GUCA1C: variants seen among roughly 807,000 people sequenced by gnomAD.
The protein encoded by GUCA1C is guanylyl cyclase-activating protein 3.
A neutral mutation model predicts 16.2 loss-of-function variants in GUCA1C; 15 were observed. The ratio of observed to expected loss-of-function variants is 0.93; its 90% CI spans 0.62 to 1.43. GUCA1C has a LOEUF of 1.43. Ranked by LOEUF, GUCA1C falls within the 40% of genes most tolerant of loss-of-function variation. The probability of loss-of-function intolerance (pLI) is 0.00; values close to 1 mark genes in which losing one functional copy is unlikely to be tolerated. For missense variants in GUCA1C, 275 were observed against 244.8 expected (o/e 1.12, Z -0.82); for synonymous variants, 78 against 85.4 (o/e 0.91, Z 0.48).
At chr3:108,932,659 C>T (rs986018046) in intron 1 of GUCA1C, among the ~76,000 whole-genome samples, 1 of 152,108 alleles carries the variant, frequency 6.6e-6, no homozygotes, top group Non-Finnish European at 1.5e-5. Flanking sequence ...CGGTGGCTCA[C>T]GCCTGTAATC....
chr3:108,918,413 G>A (rs1358423126), intron 2 of GUCA1C, among the ~76,000 whole-genome samples: 1 of 152,086 alleles, frequency 6.6e-6, no homozygotes, highest in African/African-American at 2.4e-5. Context: ...TTCTAGGAAG[G>A]CAGATACTTC....
intron 1 of GUCA1C, among the ~76,000 whole-genome samples, chr3:108,931,183 T>C (rs1411552801): frequency 6.9e-6 from 1 of 144,154 alleles, no homozygotes; most frequent in Non-Finnish European, 1.5e-5. Flanking sequence ...TATTTGATGA[T>C]GGTCTGTTTC....
intron 1 of GUCA1C, among the ~76,000 whole-genome samples, chr3:108,942,757 T>G (rs1654542279): frequency 1.3e-5 from 2 of 152,238 alleles, no homozygotes; most frequent in East Asian, 1.9e-4. Context: ...TTTTATTTTC[T>G]GAGGATGTGC....
In GUCA1C at chr3:108,940,571, A is replaced by T. The variant is rs192558052; in HGVS notation, c.204+12988T>A. Among the ~76,000 whole-genome samples the T allele has an allele frequency of 9.9e-4, 151 of 152,382 alleles. 1 individual carries two copies. The highest frequency in any genetic ancestry group is 6.8e-3 in the Middle Eastern group (2 of 294). Reference sequence around the variant, plus strand: ...ATGATTGGCAGCCATTGCAAGGGGCAAATGTTGCCCAAAACAGCACGAATA... The same window carrying T: ...ATGATTGGCAGCCATTGCAAGGGGCTAATGTTGCCCAAAACAGCACGAATA... On this transcript the variant is annotated intron_variant, in intron 1 of 3. Coordinates refer to ENST00000261047, the MANE Select transcript of GUCA1C (RefSeq NM_005459.4).
chr3:108,916,033 T>C, intron 3 of GUCA1C, 94 bp downstream of exon 3: 1 of 1,533,224 alleles, frequency 6.5e-7, no homozygotes, highest in Non-Finnish European at 8.8e-7. Flanking sequence ...AGGGTTCTCT[T>C]GAATGGTTCC....
chr3:108,912,110 A>AATAATAATAATAATAATAATG (rs1946462026), intron 3 of GUCA1C, among the ~76,000 whole-genome samples: 1 of 146,378 alleles, frequency 6.8e-6, no homozygotes, highest in Admixed American at 7.0e-5. Context: ...TCTCAATAAT[A>AATAATAATAATAATAATAATG]ATAATAATAA....
chr3:108,931,847 C>CAGTTTTTT (rs1946669320), intron 1 of GUCA1C, among the ~76,000 whole-genome samples: 1 of 144,000 alleles, frequency 6.9e-6, no homozygotes, highest in South Asian at 2.2e-4. Context: ...TCCAAGGGAA[C>CAGTTTTTT]AGTTTTTTTT....
At chr3:108,944,591 T>C (rs980440429) in intron 1 of GUCA1C, among the ~76,000 whole-genome samples, 6 of 152,222 alleles carry the variant, frequency 3.9e-5, no homozygotes, top group Non-Finnish European at 7.3e-5. Flanking sequence ...AGTTATGTTG[T>C]GCAGCCCCTG....
chr3:108,922,533 C>T (rs867349849), intron 1 of GUCA1C, among the ~76,000 whole-genome samples: 31 of 152,024 alleles, frequency 2.0e-4, no homozygotes, highest in African/African-American at 6.5e-4. Flanking sequence ...TATGGCCATT[C>T]TTGCAGGAGT....
intron 1 of GUCA1C, among the ~76,000 whole-genome samples, chr3:108,940,890 A>G (rs377601226): frequency 1.3e-5 from 2 of 152,206 alleles, no homozygotes; most frequent in African/African-American, 2.4e-5. Flanking sequence ...TTTGGAAATG[A>G]ACGATTTGAG....
At chr3:108,927,123 A>G (rs1946630012) in intron 1 of GUCA1C, among the ~76,000 whole-genome samples, 1 of 152,174 alleles carries the variant, frequency 6.6e-6, no homozygotes, top group Admixed American at 6.5e-5. Context: ...ATTTTCCCTT[A>G]TAGGTTGCCT....
At chr3:108,921,643 T>C (rs1255417461) in intron 1 of GUCA1C, among the ~76,000 whole-genome samples, 3 of 152,232 alleles carry the variant, frequency 2.0e-5, no homozygotes, top group African/African-American at 4.8e-5. Flanking sequence ...AATAGGTGTG[T>C]AGTGGTATCT....
intron 1 of GUCA1C, among the ~76,000 whole-genome samples, chr3:108,949,095 G>T (rs1946872375): frequency 6.6e-6 from 1 of 152,120 alleles, no homozygotes; most frequent in Non-Finnish European, 1.5e-5. Context: ...TGATTTGCCT[G>T]CCTCGGCCTC....
chr3:108,930,672 C>A (rs937133149), intron 1 of GUCA1C, among the ~76,000 whole-genome samples: 3 of 152,168 alleles, frequency 2.0e-5, no homozygotes, highest in Non-Finnish European at 2.9e-5. Flanking sequence ...CCATCACTAA[C>A]TCTGATACTT....
At chr3:108,908,662 T>C (rs183260423) in intron 3 of GUCA1C, among the ~76,000 whole-genome samples, 19 of 152,340 alleles carry the variant, frequency 1.2e-4, no homozygotes, top group Admixed American at 7.8e-4. Context: ...TGAGAAAGCT[T>C]CAACATGTGT....
Position 108,933,145 on chromosome 3 carries a change from T to C in GUCA1C, c.205-12560A>G, listed in dbSNP as rs370059185. On this transcript the variant is annotated intron_variant, in intron 1 of 3. Coordinates refer to ENST00000261047, the MANE Select transcript of GUCA1C (RefSeq NM_005459.4). ...CCCTAGCATGAGAACATTTTATCCTTTTACTCCACCAATTTTTCTTGTAAT... is the reference window on the plus strand; with the variant it reads ...CCCTAGCATGAGAACATTTTATCCTCTTACTCCACCAATTTTTCTTGTAAT... Among the ~76,000 whole-genome samples the C allele has an allele frequency of 1.1e-3, 175 of 152,270 alleles. 3 individuals are homozygous for C. In the South Asian group the frequency reaches 0.029, roughly 25 times the overall value.
upstream of GUCA1C, among the ~76,000 whole-genome samples, chr3:108,954,972 A>G (rs1946934077): frequency 6.6e-6 from 1 of 151,946 alleles, no homozygotes; most frequent in African/African-American, 2.4e-5. Context: ...TCCTGACCTC[A>G]TGATCCGCCT....
chr3:108,952,184 C>G (rs1946901843), intron 1 of GUCA1C, among the ~76,000 whole-genome samples: 1 of 152,094 alleles, frequency 6.6e-6, no homozygotes, highest in South Asian at 2.1e-4. Flanking sequence ...CAGAGAATGA[C>G]AGAGAGAAAG....
intron 1 of GUCA1C, among the ~76,000 whole-genome samples, chr3:108,936,803 A>ATT (rs1241534878): frequency 6.6e-6 from 1 of 152,162 alleles, no homozygotes; most frequent in African/African-American, 2.4e-5. Context: ...GCTCAAGGGA[A>ATT]GTCTGGCCTG....
Sources: gnomAD v4.1 joint callset for allele counts (sites outside exome capture counted in the v4.1 genomes callset) on GRCh38, gnomAD v4.1.1 for gene constraint, MANE v1.5 for transcripts, NCBI Gene and HGNC (gene_info 2026-07-23, HGNC 2026-07-21) for gene names.